The following CDYL variants were observed in gnomAD, a reference collection of about 807,000 sequenced individuals.
The protein encoded by CDYL is chromodomain Y-like protein.
In CDYL, 8 loss-of-function variants were observed where a neutral mutation model predicts 47.3. The ratio of observed to expected loss-of-function variants is 0.17; its 90% CI spans 0.10 to 0.31. The LOEUF (loss-of-function observed/expected upper bound fraction) is 0.31. CDYL is among the 10% of genes least tolerant of loss of function. CDYL has a pLI of 1.00. For missense variants in CDYL, 471 were observed against 701.4 expected (o/e 0.67, Z 3.71); for synonymous variants, 266 against 265.0 (o/e 1.00, Z -0.04).
At chr6:4,884,322 G>T (rs1231112684) in intron 1 of CDYL, among the ~76,000 whole-genome samples, 1 of 152,194 alleles carries the variant, frequency 6.6e-6, no homozygotes, top group African/African-American at 2.4e-5. Flanking sequence ...GGGAAGCATG[G>T]TTAAGGTCAG....
At chr6:4,942,830 C>T (rs935257575) in intron 4 of CDYL, among the ~76,000 whole-genome samples, 5 of 152,342 alleles carry the variant, frequency 3.3e-5, no homozygotes, top group Admixed American at 3.3e-4. Context: ...CCTCCGAACT[C>T]CTGCTGCAGC....
intron 2 of CDYL, among the ~76,000 whole-genome samples, chr6:4,724,065 G>C (rs1160052237): frequency 6.6e-6 from 1 of 152,114 alleles, no homozygotes; most frequent in Non-Finnish European, 1.5e-5. Flanking sequence ...GTTTGAGAGA[G>C]TCTTGCTCTG....
intron 2 of CDYL, among the ~76,000 whole-genome samples, chr6:4,898,493 C>T (rs1372160032): frequency 6.6e-6 from 1 of 152,136 alleles, no homozygotes; most frequent in Non-Finnish European, 1.5e-5. Flanking sequence ...AAGAGCAAAC[C>T]CACTTACACA....
At position 4,914,663 on chromosome 6, in the gene CDYL, C is replaced by G. The variant is rs192683015; in HGVS notation, c.692-20852C>G. On this transcript the variant is annotated intron_variant, in intron 2 of 6. Transcript: ENST00000397588. ...CGTTTTAGCTGTGCACGGGCCTATT[C>G]TTCATTCTGAGCTATTAAGCTGGTT... Among the ~76,000 whole-genome samples, 169 of 152,332 alleles carry G rather than the reference C, an allele frequency of 1.1e-3. 3 individuals are homozygous for G. The highest frequency in any genetic ancestry group is 9.5e-3 in the Admixed American group (145 of 15,306).
chr6:4,918,150 A>G (rs1380049033), intron 2 of CDYL, among the ~76,000 whole-genome samples: 2 of 152,260 alleles, frequency 1.3e-5, no homozygotes, highest in Admixed American at 6.5e-5. Flanking sequence ...AACATGAAGA[A>G]AAGTATTGAT....
chr6:4,769,362 T>C (rs1758302908), intron 3 of CDYL, among the ~76,000 whole-genome samples: 1 of 152,196 alleles, frequency 6.6e-6, no homozygotes, highest in African/African-American at 2.4e-5. Flanking sequence ...AACCTCTAAA[T>C]AGTGAATAGA....
At chr6:4,906,693 A>G (rs1356107223) in intron 2 of CDYL, among the ~76,000 whole-genome samples, 1 of 152,240 alleles carries the variant, frequency 6.6e-6, no homozygotes, top group Admixed American at 6.5e-5. Context: ...CAAAAATTCT[A>G]AAACTATGGC....
At chr6:4,925,566 C>G (rs1159364872) in intron 2 of CDYL, among the ~76,000 whole-genome samples, 1 of 152,012 alleles carries the variant, frequency 6.6e-6, no homozygotes, top group Admixed American at 6.5e-5. Context: ...CAGGCACCCG[C>G]CACCACACTC....
chr6:4,791,124 T>C (rs1758904881), intron 1 of CDYL, among the ~76,000 whole-genome samples: 6 of 152,190 alleles, frequency 3.9e-5, no homozygotes, highest in Admixed American at 3.3e-4. Context: ...AAACCCAACA[T>C]GAAGACTCAT....
At chr6:4,771,450 C>T (rs540346997), upstream of CDYL, among the ~76,000 whole-genome samples, 3 of 152,086 alleles carry the variant, frequency 2.0e-5, no homozygotes, top group East Asian at 3.9e-4. Context: ...AAGGTGATGC[C>T]GTTGCTGCTA....
At chr6:4,715,287 G>A (rs750979905) in intron 1 of CDYL, among the ~76,000 whole-genome samples, 4 of 141,570 alleles carry the variant, frequency 2.8e-5, no homozygotes, top group East Asian at 4.1e-4. Context: ...AGGACAAGAC[G>A]CGCCTCCTTG....
intron 1 of CDYL, among the ~76,000 whole-genome samples, chr6:4,880,078 A>T (rs1761724348): frequency 6.6e-6 from 1 of 151,418 alleles, no homozygotes. Flanking sequence ...ATCAGGGTTC[A>T]CTCTTGGTGT....
At chr6:4,864,033 A>G (rs372095577) in intron 1 of CDYL, among the ~76,000 whole-genome samples, 3 of 152,202 alleles carry the variant, frequency 2.0e-5, no homozygotes, top group Non-Finnish European at 4.4e-5. Flanking sequence ...ACAGAGGGAG[A>G]AAGAGAGATC....
intron 2 of CDYL, among the ~76,000 whole-genome samples, chr6:4,725,305 T>C (rs6941511): frequency 0.13 from 19,325 of 152,316 alleles, 1,469 homozygotes; most frequent in African/African-American, 0.22. Context: ...TGGAGCTGCC[T>C]GCCAGTCCTG....
At chr6:4,935,059 G>A (rs1304360915) in intron 2 of CDYL, among the ~76,000 whole-genome samples, 1 of 152,210 alleles carries the variant, frequency 6.6e-6, no homozygotes, top group East Asian at 1.9e-4. Flanking sequence ...GAGAAGGCTG[G>A]CTGCATCCAC....
At chr6:4,937,426 T>G in intron 3 of CDYL, 139 bp from the exon 4 acceptor site, 1 of 566,454 alleles carries the variant, frequency 1.8e-6, no homozygotes, top group Non-Finnish European at 2.9e-6. Context: ...AGCCCAGGAG[T>G]TAGAGAGCAC....
chr6:4,752,867 G>GGTAGGTAGGTAGGTGGTAGGTAT (rs1561836802), intron 3 of CDYL, among the ~76,000 whole-genome samples: 2 of 142,760 alleles, frequency 1.4e-5, no homozygotes, highest in African/African-American at 5.7e-5. Context: ...TTTGTAGATA[G>GGTAGGTAGGTAGGTGGTAGGTAT]GTAGGTAGGT....
At chr6:4,827,713 T>C in intron 1 of CDYL, among the ~76,000 whole-genome samples, 1 of 152,222 alleles carries the variant, frequency 6.6e-6, no homozygotes, top group Admixed American at 6.5e-5. Context: ...TGGAGCGCAG[T>C]GGCATGATCT....
chr6:4,816,687 C>T (rs767524223), intron 1 of CDYL, among the ~76,000 whole-genome samples: 5 of 151,730 alleles, frequency 3.3e-5, no homozygotes, highest in East Asian at 1.9e-4. Context: ...CGGGGTTTTG[C>T]GATGTTGCCC....
Sources: gnomAD v4.1 joint callset for allele counts (sites outside exome capture counted in the v4.1 genomes callset) on GRCh38, gnomAD v4.1.1 for gene constraint, MANE v1.5 for transcripts, NCBI Gene and HGNC (gene_info 2026-07-23, HGNC 2026-07-21) for gene names.